MTHFD1L: variants seen among roughly 807,000 people sequenced by gnomAD.
MTHFD1L encodes methylenetetrahydrofolate dehydrogenase (NADP+ dependent) 1 like.
Under a neutral mutation model 119.5 loss-of-function variants are expected in MTHFD1L, and 81 were observed. The observed-to-expected ratio is 0.68, with a 90% CI of 0.57 to 0.82. The LOEUF (loss-of-function observed/expected upper bound fraction) is 0.82. Among genes scored for constraint, MTHFD1L ranks in the 40% least tolerant of loss-of-function variants. MTHFD1L has a pLI of 0.00. For synonymous variants in MTHFD1L, 430 were observed against 475.2 expected (o/e 0.90, Z 1.24); for missense variants, 1,125 against 1,253.4 (o/e 0.90, Z 1.55).
intron 20 of MTHFD1L, among the ~76,000 whole-genome samples, chr6:151,005,183 G>A (rs551539235): frequency 1.6e-4 from 24 of 152,058 alleles, no homozygotes; most frequent in Non-Finnish European, 2.9e-4. Flanking sequence ...TATAAGAGTG[G>A]TTTGTCCCCT....
rs569512182 is a variant in MTHFD1L, at chr6:151,078,975, G to T, written c.2848-13492G>T. ...TCAGTAGGCCTGCAGGATGAAGGGTGCCAGGAGGATGGCTCCATGAAAGAC... is the reference window on the plus strand; with the variant it reads ...TCAGTAGGCCTGCAGGATGAAGGGTTCCAGGAGGATGGCTCCATGAAAGAC... On this transcript the variant is annotated intron_variant, in intron 26 of 27. Coordinates refer to ENST00000367321, the MANE Select transcript of MTHFD1L (RefSeq NM_015440.5). Among the ~76,000 whole-genome samples the T allele has an allele frequency of 3.3e-5, 5 of 152,266 alleles. 1 individual carries two copies. The South Asian group carries it at 1.0e-3, about 32-fold the overall frequency.
At chr6:150,897,631 G>A (rs1361972798) in intron 7 of MTHFD1L, among the ~76,000 whole-genome samples, 1 of 152,198 alleles carries the variant, frequency 6.6e-6, no homozygotes, top group South Asian at 2.1e-4. Context: ...TCAGGGGCCA[G>A]TGAAGTGTAT....
intron 27 of MTHFD1L, among the ~76,000 whole-genome samples, chr6:151,094,362 G>A (rs952802076): frequency 2.7e-5 from 4 of 150,774 alleles, no homozygotes; most frequent in African/African-American, 7.4e-5. Context: ...TTGAGGACTT[G>A]TTGTTGTTGT....
chr6:150,894,202 C>G (rs997227528), intron 7 of MTHFD1L, among the ~76,000 whole-genome samples: 9 of 152,150 alleles, frequency 5.9e-5, no homozygotes, highest in African/African-American at 2.2e-4. Flanking sequence ...CACCACCGCA[C>G]TGCAACCTGG....
rs570366445 is a variant in MTHFD1L, at chr6:151,009,814, C to T, written c.2126-5C>T. On this transcript the variant is annotated splice_region_variant and splice_polypyrimidine_tract_variant and intron_variant, in intron 20 of 27. Transcript: ENST00000367321. ...ATAGCACATATTCCACTTGCTTCCC[C>T]ACAGTGACCGAAGCTGGCTTTGGTG... The T allele has an allele frequency of 6.1e-5, 98 of 1,613,500 alleles. No individual in the cohort carries two copies. In the South Asian group the frequency reaches 9.0e-4, roughly 15 times the overall value.
intron 20 of MTHFD1L, among the ~76,000 whole-genome samples, chr6:150,991,727 T>C (rs1160942680): frequency 6.6e-6 from 1 of 152,144 alleles, no homozygotes; most frequent in Non-Finnish European, 1.5e-5. Flanking sequence ...CTGGGGGAGA[T>C]GAGTTTCATC....
At chr6:150,919,695 A>G (rs1425350811) in intron 9 of MTHFD1L, among the ~76,000 whole-genome samples, 1 of 152,144 alleles carries the variant, frequency 6.6e-6, no homozygotes, top group Non-Finnish European at 1.5e-5. Context: ...AAATGACCAG[A>G]TCTCATGAGA....
At chr6:151,024,127 G>T (rs1784323959) in intron 24 of MTHFD1L, among the ~76,000 whole-genome samples, 1 of 151,900 alleles carries the variant, frequency 6.6e-6, no homozygotes, top group South Asian at 2.1e-4. Flanking sequence ...AAGTACAAGG[G>T]CTCCTTGAAC....
chr6:151,005,814 C>T (rs922932044), intron 20 of MTHFD1L, among the ~76,000 whole-genome samples: 7 of 152,100 alleles, frequency 4.6e-5, no homozygotes, highest in Non-Finnish European at 8.8e-5. Flanking sequence ...TGAAATTAAG[C>T]TTAGCTAGCC....
At chr6:151,086,063 A>G (rs1357648384) in intron 26 of MTHFD1L, among the ~76,000 whole-genome samples, 1 of 152,140 alleles carries the variant, frequency 6.6e-6, no homozygotes, top group Non-Finnish European at 1.5e-5. Flanking sequence ...TCCACGCTGT[A>G]GGGTTGATCA....
chr6:150,883,578 A>G (rs1305456795), intron 5 of MTHFD1L, among the ~76,000 whole-genome samples: 1 of 152,182 alleles, frequency 6.6e-6, no homozygotes, highest in East Asian at 1.9e-4. Flanking sequence ...TCTTAGTCCC[A>G]GGCCAGTTGA....
intron 26 of MTHFD1L, among the ~76,000 whole-genome samples, chr6:151,051,883 G>A (rs946983782): frequency 5.3e-5 from 8 of 152,206 alleles, no homozygotes; most frequent in African/African-American, 1.2e-4. Context: ...CCCTGGCTGC[G>A]CCCTCCTGAG....
At chr6:150,873,828 C>T (rs1779952435) in intron 1 of MTHFD1L, among the ~76,000 whole-genome samples, 1 of 152,110 alleles carries the variant, frequency 6.6e-6, no homozygotes, top group African/African-American at 2.4e-5. Context: ...CACCACCATG[C>T]CTGGCTAATT....
chr6:150,938,325 AT>A (rs1334857051), intron 12 of MTHFD1L, among the ~76,000 whole-genome samples: 2 of 151,994 alleles, frequency 1.3e-5, no homozygotes, highest in African/African-American at 4.8e-5. Context: ...GCCACAGTGT[AT>A]TTTTTTTAAA....
In MTHFD1L at chr6:150,916,737, CTTTTTTTTTTTTTTTTTTTTTT is replaced by C. The variant is rs57961829; in HGVS notation, c.893-1819_893-1798del. On this transcript the variant is annotated intron_variant, in intron 8 of 27. Coordinates refer to ENST00000367321, the MANE Select transcript of MTHFD1L (RefSeq NM_015440.5). ...TTTTGATGGAAAATTGATTCTATCC[CTTTTTTTTTTTTTTTTTTTTTT>C]TTTTTTTTTTTTTTTTTTTTGAGGT... Among the ~76,000 whole-genome samples the C allele has an allele frequency of 2.4e-4, 17 of 72,136 alleles. No individual in the cohort carries two copies. The East Asian group carries it at 4.0e-3, about 17-fold the overall frequency. 47.3% of individuals were successfully genotyped at this position (72,136 alleles called of 152,430 possible). A position where few individuals can be genotyped will look rare whatever the true frequency, so the allele number is the denominator to read the frequency against.
Position 150,913,376 on chromosome 6 carries a change from A to G in MTHFD1L, c.893-5201A>G, listed in dbSNP as rs201818613. Among the ~76,000 whole-genome samples the G allele has an allele frequency of 4.9e-4, 74 of 151,904 alleles. No homozygotes were observed. In the East Asian group the frequency reaches 0.013, roughly 27 times the overall value. ...GAGACGGGGTTTCACCGTGTTAGCC[A>G]GGATGGTCTCGATCTCCTGACCTGG... is the stretch of plus-strand genomic sequence containing the variant. On this transcript the variant is annotated intron_variant, in intron 8 of 27. Transcript: ENST00000367321.
intron 1 of MTHFD1L, chr6:150,866,263 G>C: frequency 2.8e-6 from 4 of 1,441,730 alleles, no homozygotes; most frequent in Non-Finnish European, 3.6e-6. Context: ...TACCCGACCG[G>C]GCCCGCAGCG....
intron 18 of MTHFD1L, among the ~76,000 whole-genome samples, chr6:150,964,036 G>T (rs992256906): frequency 6.6e-6 from 1 of 152,212 alleles, no homozygotes; most frequent in African/African-American, 2.4e-5. Context: ...GTGTGTGGTG[G>T]TGCATGCCTG....
intron 2 of MTHFD1L, among the ~76,000 whole-genome samples, chr6:150,876,786 T>C (rs1780517565): frequency 6.6e-6 from 1 of 152,184 alleles, no homozygotes; most frequent in East Asian, 1.9e-4. Context: ...AGCCTGACAG[T>C]TGGGCTGCTA....
Sources: gnomAD v4.1 joint callset for allele counts (sites outside exome capture counted in the v4.1 genomes callset) on GRCh38, gnomAD v4.1.1 for gene constraint, MANE v1.5 for transcripts, NCBI Gene and HGNC (gene_info 2026-07-23, HGNC 2026-07-21) for gene names.